Variants in FRMPD4 observed in about 807,000 individuals in gnomAD.
FRMPD4 encodes the protein FERM and PDZ domain-containing protein 4.
Under a neutral mutation model 94.1 loss-of-function variants are expected in FRMPD4, and 22 were observed. The ratio of observed to expected loss-of-function variants is 0.23; its 90% CI spans 0.17 to 0.33. The LOEUF (loss-of-function observed/expected upper bound fraction) is 0.33, where lower values mean the gene tolerates loss of function less well. FRMPD4 is among the 10% of genes least tolerant of loss of function. The pLI, the probability that FRMPD4 is intolerant of heterozygous loss-of-function variation, is 1.00. For synonymous variants in FRMPD4, 631 were observed against 548.6 expected, an observed-to-expected ratio of 1.15 and a Z score of -2.10; for missense variants, 1,111 against 1,339.9, an observed-to-expected ratio of 0.83 and a Z score of 2.67.
intron 3 of FRMPD4, among the ~76,000 whole-genome samples, chrX:11,959,215 G>A (rs959266827): frequency 8.9e-6 from 1 of 112,302 alleles, no homozygotes; most frequent in African/African-American, 3.2e-5. Context: ...TTCTTATAAA[G>A]GGTTGCAGCC....
At chrX:11,894,725 C>T (rs1601826285) in intron 3 of FRMPD4, among the ~76,000 whole-genome samples, 2 of 111,928 alleles carry the variant, frequency 1.8e-5, no homozygotes, top group African/African-American at 6.5e-5. Flanking sequence ...CTAGAAATCC[C>T]GTAGGTTTTA....
At chrX:12,694,250 C>A in intron 8 of FRMPD4, 85 bp from the exon 9 acceptor site, 2 of 725,054 alleles carry the variant, frequency 2.8e-6, no homozygotes, top group South Asian at 2.7e-5. Context: ...CCTTAGTGTC[C>A]AAAAAAAGTC....
chrX:12,355,327 C>T (rs1286157706), intron 1 of FRMPD4, among the ~76,000 whole-genome samples: 1 of 110,985 alleles, frequency 9.0e-6, no homozygotes, highest in Non-Finnish European at 1.9e-5. Flanking sequence ...AGGCGTGTGC[C>T]ACCACTAAGC....
intron 3 of FRMPD4, among the ~76,000 whole-genome samples, chrX:11,941,083 C>A (rs2054157044): frequency 2.5e-5 from 1 of 39,329 alleles, no homozygotes; most frequent in Non-Finnish European, 5.2e-5. Context: ...TTCTTTGACT[C>A]GGAAAGGGAA....
chrX:11,998,485 G>A (rs1307619489), intron 3 of FRMPD4, among the ~76,000 whole-genome samples: 1 of 111,327 alleles, frequency 9.0e-6, no homozygotes, highest in African/African-American at 3.3e-5. Flanking sequence ...TGAGGTGAGG[G>A]CAGGACATCC....
Position 11,947,391 on chromosome X carries a change from T to G in FRMPD4, c.95+69373T>G, listed in dbSNP as rs150619094. On this transcript the variant is annotated intron_variant, in intron 3 of 18. Transcript: ENST00000640291. ...TAACTAGCCTCTGAGCAACATCATC[T>G]GGATTGAGCTCTTGGAAGTCAGGGA... 5.9e-3 allele frequency among the ~76,000 whole-genome samples: 666 copies of G among 112,275 alleles called. 3 individuals carry two copies. The highest frequency in any genetic ancestry group is 0.021 in the African/African-American group (640 of 30,912).
Position 11,933,066 on chromosome X carries a change from G to A in FRMPD4, c.95+55048G>A, listed in dbSNP as rs572995292. The stretch of plus-strand genomic sequence containing the variant: ...GGAGTTTAAGACCGAGTCCCCAAAC[G>A]TCAGCTTAACGTAATGCACAAGAGA... On this transcript the variant is annotated intron_variant, in intron 3 of 18. Coordinates refer to the FRMPD4 transcript ENST00000640291. Among the ~76,000 whole-genome samples the A allele has an allele frequency of 7.2e-5, 8 of 111,524 alleles. No individual in the cohort carries two copies. The South Asian group carries it at 2.7e-3, about 37-fold the overall frequency.
chrX:12,075,831 G>A (rs1371319388), intron 3 of FRMPD4, among the ~76,000 whole-genome samples: 1 of 112,364 alleles, frequency 8.9e-6, no homozygotes, highest in Non-Finnish European at 1.9e-5. Flanking sequence ...GCACTGGGAA[G>A]TTGAATGTGG....
chrX:12,659,338 GTTAT>G (rs2059691778), intron 4 of FRMPD4, among the ~76,000 whole-genome samples: 1 of 112,887 alleles, frequency 8.9e-6, no homozygotes, highest in South Asian at 3.6e-4. Flanking sequence ...GGTGGTATTT[GTTAT>G]TTATTTTTTA....
At chrX:12,092,762 G>A (rs767182894) in intron 3 of FRMPD4, among the ~76,000 whole-genome samples, 1 of 111,529 alleles carries the variant, frequency 9.0e-6, no homozygotes. Context: ...TAAGTATTGG[G>A]ACACAGTAGT....
chrX:12,522,892 CG>C (rs2058180133), intron 2 of FRMPD4, among the ~76,000 whole-genome samples: 1 of 111,798 alleles, frequency 8.9e-6, no homozygotes, highest in South Asian at 3.8e-4. Flanking sequence ...CGTGAGCCAC[CG>C]CGCCCAGCTG....
intron 3 of FRMPD4, among the ~76,000 whole-genome samples, chrX:11,976,675 C>T (rs1268875724): frequency 8.9e-6 from 1 of 112,346 alleles, no homozygotes; most frequent in Non-Finnish European, 1.9e-5. Flanking sequence ...TCAGATCACA[C>T]ACTTTTGTTT....
chrX:12,603,662 A>T (rs976968533), intron 2 of FRMPD4, among the ~76,000 whole-genome samples: 4 of 111,121 alleles, frequency 3.6e-5, no homozygotes, highest in African/African-American at 1.3e-4. Context: ...TTTTTAGAGA[A>T]AGTTGGGGAC....
intron 1 of FRMPD4, among the ~76,000 whole-genome samples, chrX:12,332,207 TAGAGAGAGAGAGAGAG>T (rs531737337): frequency 1.2e-4 from 7 of 59,535 alleles, no homozygotes; most frequent in Non-Finnish European, 1.8e-4. Flanking sequence ...TATATATATA[TAGAGAGAGAGAGAGAG>T]AGAGAGAGAG....
At chrX:12,289,431 C>T (rs1425440075) in intron 1 of FRMPD4, among the ~76,000 whole-genome samples, 1 of 111,919 alleles carries the variant, frequency 8.9e-6, no homozygotes, top group Admixed American at 9.5e-5. Context: ...TTTAAAAATC[C>T]AGTTGCTCTG....
intron 2 of FRMPD4, among the ~76,000 whole-genome samples, chrX:12,592,879 C>G (rs1041273274): frequency 1.4e-4 from 16 of 112,076 alleles, no homozygotes; most frequent in Non-Finnish European, 2.4e-4. Flanking sequence ...CAGTCTCTGA[C>G]AGTTTTTCAT....
intron 4 of FRMPD4, among the ~76,000 whole-genome samples, chrX:12,669,760 G>A (rs2059820000): frequency 8.9e-6 from 1 of 111,834 alleles, no homozygotes; most frequent in Non-Finnish European, 1.9e-5. Context: ...TGAAGATGAA[G>A]GAAGGGACCA....
At chrX:12,569,374 C>A (rs1277462989) in intron 2 of FRMPD4, among the ~76,000 whole-genome samples, 1 of 111,635 alleles carries the variant, frequency 9.0e-6, no homozygotes. Context: ...TATTAAAATG[C>A]TTTTAAGCTG....
At position 12,404,911 on chromosome X, in the gene FRMPD4, A is replaced by T. The variant is rs757862685; in HGVS notation, c.42-93769A>T. 1.5e-4 allele frequency among the ~76,000 whole-genome samples: 17 copies of T among 111,200 alleles called. No individual in the cohort carries two copies. The South Asian group carries it at 6.5e-3, about 43-fold the overall frequency. ...TGAATGCAGCCACAGATTATATATA[A>T]ACAAATGAGTGTACCTGTGTTCCAA... is the stretch of plus-strand genomic sequence containing the variant. On this transcript the variant is annotated intron_variant, in intron 1 of 16. Coordinates refer to ENST00000675598, the MANE Select transcript of FRMPD4 (RefSeq NM_001368397.1).
Sources: allele counts gnomAD v4.1 joint callset (sites outside exome capture counted in the v4.1 genomes callset), GRCh38; gene constraint gnomAD v4.1.1; transcripts MANE v1.5; gene names NCBI Gene and HGNC (gene_info 2026-07-23, HGNC 2026-07-21).